TSEN2: variants seen among roughly 807,000 people sequenced by gnomAD.
TSEN2 encodes the protein tRNA-splicing endonuclease subunit Sen2.
In TSEN2, 54 loss-of-function variants were observed where a neutral mutation model predicts 59.2. That is an observed-to-expected ratio of 0.91 (90% CI 0.73 to 1.14). TSEN2 has a LOEUF of 1.14. TSEN2 is among the 50% of genes most tolerant of loss of function. TSEN2 has a pLI of 0.00. For missense variants in TSEN2, 636 were observed against 576.2 expected (o/e 1.10, Z -1.06); for synonymous variants, 195 against 198.2 (o/e 0.98, Z 0.14).
At chr3:12,529,033 C>T in intron 9 of TSEN2, 109 bp downstream of exon 9, 1 of 1,109,406 alleles carries the variant, frequency 9.0e-7, no homozygotes, top group Non-Finnish European at 1.4e-6. Context: ...TTCTTCCTGG[C>T]CTGATACGAA....
intron 9 of TSEN2, among the ~76,000 whole-genome samples, chr3:12,529,346 A>C (rs1269643817): frequency 6.6e-6 from 1 of 152,138 alleles, no homozygotes; most frequent in African/African-American, 2.4e-5. Context: ...AGGCGCCTGT[A>C]ATCTCAGCTA....
intron 6 of TSEN2, among the ~76,000 whole-genome samples, chr3:12,507,415 A>G (rs1023321762): frequency 2.0e-5 from 3 of 152,224 alleles, no homozygotes; most frequent in Admixed American, 6.5e-5. Context: ...AGTGGGGGCT[A>G]TGTAACATCT....
At chr3:12,522,352 T>G (rs892409710) in intron 8 of TSEN2, among the ~76,000 whole-genome samples, 6 of 152,158 alleles carry the variant, frequency 3.9e-5, no homozygotes, top group Non-Finnish European at 8.8e-5. Context: ...GGACATATCA[T>G]CTAGAAACAG....
chr3:12,535,721 AG>A (rs2057659570), downstream of TSEN2, among the ~76,000 whole-genome samples: 1 of 152,076 alleles, frequency 6.6e-6, no homozygotes, highest in East Asian at 1.9e-4. Context: ...TAGTAGAGAC[AG>A]GGTTTCACCA....
chr3:12,536,249 G>C (rs1233891743), downstream of TSEN2, among the ~76,000 whole-genome samples: 1 of 152,208 alleles, frequency 6.6e-6, no homozygotes. Context: ...TGCAGCCATT[G>C]TGGGGTTTTG....
At chr3:12,539,211 G>A (rs1359056148) in exon 11 of TSEN2, 1 of 416,950 alleles carries the variant, frequency 2.4e-6, no homozygotes, top group Admixed American at 3.1e-5. Flanking sequence ...TTGGATCACT[G>A]CAACCTCTGC....
At chr3:12,482,121 A>G (rs997580066), upstream of TSEN2, among the ~76,000 whole-genome samples, 2 of 152,236 alleles carry the variant, frequency 1.3e-5, no homozygotes, top group East Asian at 3.9e-4. Flanking sequence ...AGGTTGTAGA[A>G]GCGATTTTTT....
chr3:12,516,775 T>C, intron 7 of TSEN2, 114 bp downstream of exon 7: 2 of 1,127,228 alleles, frequency 1.8e-6, no homozygotes, highest in South Asian at 2.7e-5. Context: ...CTGAATAAAA[T>C]AGGAATTGAA....
chr3:12,505,782 T>TC (rs2054754434), intron 6 of TSEN2, among the ~76,000 whole-genome samples: 1 of 51,712 alleles, frequency 1.9e-5, no homozygotes, highest in African/African-American at 1.3e-4. Context: ...AAACTCTGTC[T>TC]CAAAAAAAAA....
chr3:12,527,405 C>A (rs1341506902), intron 8 of TSEN2, among the ~76,000 whole-genome samples: 1 of 151,130 alleles, frequency 6.6e-6, no homozygotes, highest in East Asian at 1.9e-4. Context: ...AAATTCTATC[C>A]ATTCCTCAAG....
In TSEN2 at chr3:12,492,199, CT is replaced by C; in HGVS notation, c.254del (p.Leu85ArgfsTer8). The C allele has an allele frequency of 6.2e-7, 1 of 1,613,900 alleles. No individual in the cohort carries two copies. Among genetic ancestry groups the C allele is most frequent in the Non-Finnish European group, 8.5e-7 (1 of 1,179,788 alleles). ...AAGCTTCACAATTTCAGATCCTAAA[CT>C]GGTTGCTAAATGGAAAGGTAAAGTT... ...RPSFTISDPKLVAKWKDMKTN... is the reference protein window; with the variant it reads ...RPSFTISDPKXVAKWKDMKTN... On this transcript the variant is annotated frameshift_variant, in exon 3 of 12. Transcript: ENST00000284995. LOFTEE classifies it high-confidence loss of function.
chr3:12,488,559 C>T (rs2052876126), intron 1 of TSEN2, among the ~76,000 whole-genome samples: 2 of 152,244 alleles, frequency 1.3e-5, no homozygotes, highest in Non-Finnish European at 2.9e-5. Context: ...TTACTTCCCT[C>T]CTTTAGACAT....
chr3:12,526,879 T>C (rs979461140), intron 8 of TSEN2, among the ~76,000 whole-genome samples: 4 of 152,230 alleles, frequency 2.6e-5, no homozygotes, highest in African/African-American at 9.6e-5. Flanking sequence ...TGTGTAATGC[T>C]CCAGGTGCAT....
At position 12,492,006 on chromosome 3, in the gene TSEN2, C is replaced by A. The variant is rs74685105; in HGVS notation, c.190-130C>A. On this transcript the variant is annotated intron_variant, in intron 2 of 11. Coordinates refer to ENST00000284995, the MANE Select transcript of TSEN2 (RefSeq NM_025265.4). ...TTATATCAGGGACTCGACCATCTGC[C>A]GATTTTGGTATCCACCAGAGGTCCT... is the stretch of plus-strand genomic sequence containing the variant. The A allele has an allele frequency of 0.022, 15,823 of 735,778 alleles. 323 individuals carry two copies. The highest frequency in any genetic ancestry group is 0.054 in the South Asian group (3,485 of 64,256). The allele number at this position is 735,778 out of a possible 1,614,324, so 45.6% of individuals were successfully genotyped here. A position where few individuals can be genotyped will look rare whatever the true frequency, so the allele number is the denominator to read the frequency against.
At chr3:12,480,276 C>T (rs185154356), upstream of TSEN2, among the ~76,000 whole-genome samples, 528 of 152,208 alleles carry the variant, frequency 3.5e-3, 8 homozygotes, top group African/African-American at 0.012. Context: ...TCCCTGGCTC[C>T]GGAACCAAGG....
In TSEN2 at chr3:12,489,924, G is replaced by A. The variant is rs2053035101; in HGVS notation, c.124G>A (p.Ala42Thr). The A allele has an allele frequency of 4.3e-6, 7 of 1,614,148 alleles. No homozygotes were observed. The highest frequency in any genetic ancestry group is 5.9e-6 in the Non-Finnish European group (7 of 1,180,034). ...TCTGAAAGAATTCAAGATATTCCGT[G>A]CTGAAATGATTAACAACAATGTGAT... ...GPLKEFKIFRAEMINNNVIVR... is the reference protein window; with the variant it reads ...GPLKEFKIFRTEMINNNVIVR... Residue 42 changes from alanine (A) to threonine (T), a missense_variant, in exon 2 of 12, where the codon GCT (alanine) becomes ACT (threonine). By Grantham distance (58) the Ala-to-Thr change is moderately conservative. Coordinates refer to ENST00000284995, the MANE Select transcript of TSEN2 (RefSeq NM_025265.4).
rs1173677218 is a variant in TSEN2 at position 12,516,604 on chromosome 3, T to C, written c.910-7T>C. On this transcript the variant is annotated splice_polypyrimidine_tract_variant and splice_region_variant and intron_variant, in intron 6 of 11. Coordinates refer to ENST00000284995, the MANE Select transcript of TSEN2 (RefSeq NM_025265.4). ...TAATGAGCATTTTCTGCTTGCTGTA[T>C]TTTCAGGCCTTTTTCTTGGTCTATG... 5 of 1,613,794 alleles carry C rather than the reference T, an allele frequency of 3.1e-6. No homozygotes were observed. The highest frequency in any genetic ancestry group is 4.2e-6 in the Non-Finnish European group (5 of 1,179,958).
At chr3:12,538,390 A>G (rs1019502784), downstream of TSEN2, among the ~76,000 whole-genome samples, 2 of 152,146 alleles carry the variant, frequency 1.3e-5, no homozygotes, top group Non-Finnish European at 2.9e-5. Context: ...TTAAAGTTTG[A>G]GCAGTTGTCT....
intron 1 of TSEN2, among the ~76,000 whole-genome samples, chr3:12,488,581 A>T (rs186172443): frequency 4.6e-5 from 7 of 152,328 alleles, no homozygotes; most frequent in African/African-American, 1.7e-4. Flanking sequence ...AGTGGATAAC[A>T]GCCAGTTCCG....
Sources: allele counts gnomAD v4.1 joint callset (sites outside exome capture counted in the v4.1 genomes callset), GRCh38; gene constraint gnomAD v4.1.1; transcripts MANE v1.5; gene names NCBI Gene and HGNC (gene_info 2026-07-23, HGNC 2026-07-21).